NUP58: variants seen among roughly 807,000 people sequenced by gnomAD.
The protein encoded by NUP58 is nucleoporin 58.
In NUP58, 17 loss-of-function variants were observed where a neutral mutation model predicts 70.1. The ratio of observed to expected loss-of-function variants is 0.24; its 90% confidence interval spans 0.17 to 0.36. The LOEUF is 0.36. Ranked by LOEUF, NUP58 falls within the 10% of genes least tolerant of loss-of-function variation. NUP58 has a pLI of 1.00. For missense variants in NUP58, 644 were observed against 701.5 expected (o/e 0.92, Z 0.93); for synonymous variants, 275 against 257.6 (o/e 1.07, Z -0.65).
At chr13:25,302,319 G>C (rs769028746) in intron 1 of NUP58, among the ~76,000 whole-genome samples, 1 of 152,254 alleles carries the variant, frequency 6.6e-6, no homozygotes, top group Admixed American at 6.5e-5. Context: ...GGATATGACG[G>C]TGTTTTAATA....
At chr13:25,324,080 G>A (rs906318051) in intron 9 of NUP58, among the ~76,000 whole-genome samples, 2 of 152,144 alleles carry the variant, frequency 1.3e-5, no homozygotes, top group Non-Finnish European at 2.9e-5. Context: ...GAGAGTCTGG[G>A]CCTGGCTAGA....
At chr13:25,317,562 G>C (rs748802131) in intron 6 of NUP58, 1 of 150,186 alleles carries the variant, frequency 6.7e-6, no homozygotes, top group Non-Finnish European at 1.5e-5. Context: ...GTGTATGTAA[G>C]TATTTACAAA....
chr13:25,337,725 A>C (rs7982565), intron 14 of NUP58, among the ~76,000 whole-genome samples: 2 of 152,172 alleles, frequency 1.3e-5, no homozygotes, highest in African/African-American at 4.8e-5. Flanking sequence ...CGGGAGACCT[A>C]TAAGCTATTA....
chr13:25,320,432 A>T, intron 7 of NUP58, 98 bp from the exon 8 acceptor site: 3 of 753,144 alleles, frequency 4.0e-6, no homozygotes, highest in Admixed American at 3.0e-5. Flanking sequence ...TTTTTGCTAT[A>T]TTTTCTTGTG....
chr13:25,333,807 AC>A (rs2031692170), intron 13 of NUP58: 1 of 985,262 alleles, frequency 1.0e-6, no homozygotes, highest in Non-Finnish European at 1.2e-6. Flanking sequence ...CAAATTTTAG[AC>A]CATCTAGATG....
In NUP58 at chr13:25,320,537, A is replaced by G; in HGVS notation, c.718A>G (p.Lys240Glu). The change falls in exon 8 of 16, where the codon AAA becomes GAA. Residue 240 changes from lysine to glutamate, a missense_variant. This residue lies in a region of NUP58 where 430 missense variants were observed against 409.2 expected (regional missense o/e 1.05). Coordinates refer to ENST00000381736, the MANE Select transcript of NUP58 (RefSeq NM_014089.4). Reference protein sequence around the residue: ...DKTGTRPEDSKALKDENLPPV... With the variant: ...DKTGTRPEDSEALKDENLPPV... The stretch of plus-strand genomic sequence containing the variant: ...GTTTTGCATTTTTCTTAGGGATAGT[A>G]AAGCTCTGAAGGATGAAAATCTACC... 1.2e-6 allele frequency: 2 copies of G among 1,608,868 alleles called. No homozygotes were observed. The highest frequency in any genetic ancestry group is 1.7e-6 in the Non-Finnish European group (2 of 1,176,276).
downstream of NUP58, among the ~76,000 whole-genome samples, chr13:25,344,193 C>CT (rs201343913): frequency 5.0e-3 from 763 of 152,058 alleles, 24 homozygotes; most frequent in East Asian, 0.078. Context: ...AGGGTTTTTT[C>CT]TTAATGATTT....
downstream of NUP58, among the ~76,000 whole-genome samples, chr13:25,345,584 T>G (rs201447032): frequency 6.8e-6 from 1 of 147,572 alleles, no homozygotes; most frequent in African/African-American, 2.5e-5. Context: ...ATGGGGGCGG[T>G]GGGGGGGGGT....
At chr13:25,321,209 C>T (rs761107864) in intron 9 of NUP58, 116 bp downstream of exon 9, 51 of 818,034 alleles carry the variant, frequency 6.2e-5, no homozygotes, top group African/African-American at 1.8e-4. Flanking sequence ...ACATGCATAC[C>T]GGTAGAAAAC....
rs1026869399 is a variant in NUP58, at chr13:25,341,211, T to A, written c.*1077T>A. 4.6e-5 allele frequency: 7 copies of A among 152,490 alleles called. No individual in the cohort carries two copies. The highest frequency in any genetic ancestry group is 1.0e-4 in the Non-Finnish European group (7 of 68,030). 9.4% of individuals were successfully genotyped at this position (152,490 alleles called of 1,614,324 possible). ...TCCTCCAAATGAGGAATGCTGTAAG[T>A]AAGACTCATCAAACAGATTTTAACC... On this transcript the variant is annotated 3_prime_UTR_variant, in exon 16 of 16. Coordinates refer to ENST00000381736, the MANE Select transcript of NUP58 (RefSeq NM_014089.4).
At chr13:25,335,248 G>C in intron 13 of NUP58, 5 of 985,220 alleles carry the variant, frequency 5.1e-6, no homozygotes, top group Non-Finnish European at 6.0e-6. Context: ...TCTGAATATT[G>C]ATGATTAGAA....
intron 3 of NUP58, chr13:25,310,005 T>C: frequency 2.5e-6 from 1 of 403,134 alleles, no homozygotes; most frequent in South Asian, 1.8e-5. Flanking sequence ...CTGGATCAGC[T>C]GCAAACACAA....
chr13:25,304,521 T>TATGTGTA (rs1491553153), intron 1 of NUP58, among the ~76,000 whole-genome samples: 6 of 53,400 alleles, frequency 1.1e-4, no homozygotes, highest in African/African-American at 3.7e-4. Context: ...TATATATGTA[T>TATGTGTA]TTTTTTTTTT....
chr13:25,335,945 AT>A (rs1258122488), intron 13 of NUP58: 2 of 1,100,024 alleles, frequency 1.8e-6, no homozygotes, highest in Non-Finnish European at 2.2e-6. Flanking sequence ...CAAATGAGAG[AT>A]TTTTAGATTT....
At chr13:25,324,140 A>G (rs2137786502) in intron 9 of NUP58, among the ~76,000 whole-genome samples, 1 of 152,268 alleles carries the variant, frequency 6.6e-6, no homozygotes, top group Middle Eastern at 3.4e-3. Flanking sequence ...TCATCTACAC[A>G]TGTATTTGTA....
chr13:25,302,050 C>T (rs1213938148), intron 1 of NUP58, among the ~76,000 whole-genome samples, 170 bp downstream of exon 1: 1 of 152,206 alleles, frequency 6.6e-6, no homozygotes, highest in Non-Finnish European at 1.5e-5. Flanking sequence ...CCGCGGTACC[C>T]GGGCCCAGCG....
At chr13:25,336,348 T>C in intron 13 of NUP58, 1 of 1,017,720 alleles carries the variant, frequency 9.8e-7, no homozygotes, top group Admixed American at 2.1e-5. Context: ...AATAAAACAT[T>C]GTCTTGTTTT....
chr13:25,338,765 TTAAAGGTG>T (rs748842937), intron 15 of NUP58, 34 bp downstream of exon 15: 1 of 1,519,910 alleles, frequency 6.6e-7, no homozygotes, highest in South Asian at 1.1e-5. Context: ...TCAGGCAAAT[TTAAAGGTG>T]TAAATTATTT....
At chr13:25,336,259 A>T (rs577476567) in intron 13 of NUP58, 14 of 1,366,294 alleles carry the variant, frequency 1.0e-5, no homozygotes, top group Non-Finnish European at 1.4e-5. Context: ...GAACTCAATT[A>T]TCACTTTTTG....
Sources: gnomAD v4.1 joint callset for allele counts (sites outside exome capture counted in the v4.1 genomes callset) on GRCh38, gnomAD v4.1.1 for gene constraint, gnomAD v4.1.1 regional missense constraint, MANE v1.5 for transcripts, NCBI Gene and HGNC (gene_info 2026-07-23, HGNC 2026-07-21) for gene names.